The following MGA variants were observed in gnomAD, a reference collection of about 807,000 sequenced individuals.
The protein encoded by MGA is MAX dimerization protein MGA, also known as MAX gene-associated protein.
MGA carries 40 observed loss-of-function variants against 261.1 expected under a neutral mutation model. The ratio of observed to expected loss-of-function variants is 0.15; its 90% confidence interval spans 0.12 to 0.20. The LOEUF (loss-of-function observed/expected upper bound fraction) is 0.20, where lower values mean the gene tolerates loss of function less well. MGA is among the 10% of genes least tolerant of loss of function. The pLI is 1.00. For missense variants in MGA, 3,397 were observed against 3,630.5 expected (o/e 0.94, Z 1.65); for synonymous variants, 1,302 against 1,290.6 (o/e 1.01, Z -0.19).
chr15:41,681,957 GC>G (rs1322582477), intron 2 of MGA, among the ~76,000 whole-genome samples: 1 of 151,720 alleles, frequency 6.6e-6, no homozygotes, highest in African/African-American at 2.4e-5. Flanking sequence ...TGCTCTTATT[GC>G]CCAGGCTGGA....
At position 41,734,703 on chromosome 15, in the gene MGA, C is replaced by G. The variant is rs763816819; in HGVS notation, c.3916+109C>G. 4.9e-6 allele frequency: 4 copies of G among 824,066 alleles called. No individual in the cohort carries two copies. The African/African-American group carries it at 5.3e-5, about 11-fold the overall frequency. 51.0% of individuals were successfully genotyped at this position (824,066 alleles called of 1,614,324 possible). On this transcript the variant is annotated intron_variant, in intron 12 of 23. Coordinates refer to ENST00000219905, the MANE Select transcript of MGA (RefSeq NM_001164273.2). ...TCAATTCAGAATATGTCTGCCTACC[C>G]TGTTTCAAACTTATGCCAAAAACAG...
intron 2 of MGA, among the ~76,000 whole-genome samples, chr15:41,693,143 A>G (rs1244692155): frequency 1.3e-5 from 2 of 152,032 alleles, no homozygotes; most frequent in African/African-American, 4.8e-5. Flanking sequence ...CCCGGCTTCT[A>G]TTGGAGGATT....
chr15:41,656,377 T>TCTCTCACACA (rs1555403733), upstream of MGA, among the ~76,000 whole-genome samples: 1 of 68,276 alleles, frequency 1.5e-5, no homozygotes, highest in Non-Finnish European at 3.5e-5. Flanking sequence ...TCTCTCTCTC[T>TCTCTCACACA]CACACCCAGG....
intron 3 of MGA, 129 bp from the exon 4 acceptor site, chr15:41,698,734 C>A (rs1011710441): frequency 4.6e-6 from 3 of 645,688 alleles, no homozygotes; most frequent in East Asian, 2.8e-5. Flanking sequence ...TCCTGTTCTG[C>A]CAATGTTAGC....
At chr15:41,764,794 T>G (rs2063712548) in intron 22 of MGA, 92 bp from the exon 23 acceptor site, 1 of 1,308,536 alleles carries the variant, frequency 7.6e-7, no homozygotes, top group African/African-American at 1.5e-5. Context: ...TCTGCCTGCC[T>G]CAGCCTCCCA....
At position 41,696,310 on chromosome 15, in the gene MGA, G is replaced by T; in HGVS notation, c.1300G>T (p.Asp434Tyr). Residue 434 changes from aspartate (D) to tyrosine (Y), a missense_variant, in exon 3 of 24, where the codon GAC becomes TAC. By Grantham distance (160) the Asp-to-Tyr change is radical. Coordinates refer to ENST00000219905, the MANE Select transcript of MGA (RefSeq NM_001164273.2). ...ACAGCTAAAGAGGCACAATAAAGTT[G>T]ACAACCCAGAAGCTGACCATCTATC... 6.2e-7 allele frequency: 1 copy of T among 1,613,850 alleles called. No homozygotes were observed. Among genetic ancestry groups the T allele is most frequent in the South Asian group, 1.1e-5 (1 of 91,054 alleles).
Position 41,766,574 on chromosome 15 carries a change from C to A in MGA, c.8492C>A (p.Ala2831Asp), listed in dbSNP as rs762490958. ...CTGACTTCACTGCTCAATGAAATTG[C>A]CTTTCTTAATCAACAACTAAATGAT... The change falls in exon 24 of 24, where the codon GCC (alanine) becomes GAC (aspartate). Residue 2831 changes from alanine (A) to aspartate (D), a missense_variant. Ala to Asp is a moderately radical substitution (Grantham distance 126, BLOSUM62 -2). Around this residue, in one of 9 missense-constraint regions of MGA, gnomAD observed 647 missense variants for 642.4 expected, o/e 1.01. Transcript: ENST00000219905. The A allele has an allele frequency of 1.1e-5, 18 of 1,613,750 alleles. No individual in the cohort carries two copies. The highest frequency in any genetic ancestry group is 1.4e-5 in the Non-Finnish European group (17 of 1,179,828).
At chr15:41,628,504 GAATGATAAAGAGTA>G (rs1381215781) in intron 1 of MGA, among the ~76,000 whole-genome samples, 8 of 152,008 alleles carry the variant, frequency 5.3e-5, no homozygotes, top group Non-Finnish European at 8.8e-5. Flanking sequence ...AACACGACCT[GAATGATAAAGAGTA>G]AGACACACCC....
chr15:41,698,906 C>T lies in MGA; in HGVS notation c.2057C>T (p.Ser686Phe). The change falls in exon 4 of 24, where the codon TCT becomes TTT. Residue 686 changes from serine to phenylalanine, a missense_variant. This residue lies in a region of MGA where 563 missense variants were observed against 563.6 expected (regional missense o/e 1.00). Coordinates refer to ENST00000219905, the MANE Select transcript of MGA (RefSeq NM_001164273.2). ...GCAGTTGATGGGACAACAGAAGAAT[C>T]TTCTAGTCTCCAGGCATCAACCACA... is the stretch of plus-strand genomic sequence containing the variant. The T allele has an allele frequency of 1.3e-6, 2 of 1,548,650 alleles. No individual in the cohort carries two copies. Among genetic ancestry groups the T allele is most frequent in the African/African-American group, 2.8e-5 (2 of 72,612 alleles).
chr15:41,621,413 G>A (rs550614741), intron 1 of MGA: 1 of 152,288 alleles, frequency 6.6e-6, no homozygotes, highest in African/African-American at 2.4e-5. Context: ...CTCCGCGTGC[G>A]AACGACTCGG....
Position 41,669,258 on chromosome 15 carries a change from A to G in MGA, c.364A>G (p.Ile122Val). The change falls in exon 2 of 24, where the codon ATT becomes GTT. Residue 122 changes from isoleucine (I) to valine (V), a missense_variant. By Grantham distance (29) the Ile-to-Val change is conservative. Transcript: ENST00000219905. Reference sequence around the variant, plus strand: ...AGGTTTAGATTCAAATTTGAAGTATATTCTTGTCATGGATATATCTCCTGT... The same window carrying G: ...AGGTTTAGATTCAAATTTGAAGTATGTTCTTGTCATGGATATATCTCCTGT... The G allele has an allele frequency of 2.5e-6, 4 of 1,614,054 alleles. No homozygotes were observed. Among genetic ancestry groups the G allele is most frequent in the Non-Finnish European group, 2.5e-6 (3 of 1,179,896 alleles).
At chr15:41,704,914 A>T (rs1337254140) in intron 5 of MGA, among the ~76,000 whole-genome samples, 1 of 150,598 alleles carries the variant, frequency 6.6e-6, no homozygotes, top group African/African-American at 2.4e-5. Flanking sequence ...TTGTAATGAC[A>T]TTATAACACA....
chr15:41,635,515 AC>A lies in MGA; in HGVS notation c.-68+14226del, dbSNP rs35924209. Among the ~76,000 whole-genome samples, 316 of 147,468 alleles carry A rather than the reference AC, an allele frequency of 2.1e-3. 3 individuals are homozygous for A. The highest frequency in any genetic ancestry group is 3.0e-3 in the African/African-American group (119 of 39,898). On this transcript the variant is annotated intron_variant, in intron 1 of 8. Coordinates refer to the MGA transcript ENST00000566718. ...AGACCAGCCCAGGCAACATAGTGAGACCCCCCCCCTCCTATAAAAAATTTTA... is the reference window on the plus strand; with the variant it reads ...AGACCAGCCCAGGCAACATAGTGAGACCCCCCCCTCCTATAAAAAATTTTA...
Position 41,734,559 on chromosome 15 carries a change from C to T in MGA, c.3881C>T (p.Thr1294Ile). Residue 1294 changes from threonine (T) to isoleucine (I), a missense_variant, in exon 12 of 24, where the codon ACC (threonine) becomes ATC (isoleucine). Coordinates refer to ENST00000219905, the MANE Select transcript of MGA (RefSeq NM_001164273.2). ...GAACAGCAGCCCTTAAAACAACTCACCTGTGACTTGGAGGATGATTCTGAT... is the reference window on the plus strand; with the variant it reads ...GAACAGCAGCCCTTAAAACAACTCATCTGTGACTTGGAGGATGATTCTGAT... 2 of 1,608,784 alleles carry T rather than the reference C, an allele frequency of 1.2e-6. No homozygotes were observed. The highest frequency in any genetic ancestry group is 1.7e-6 in the Non-Finnish European group (2 of 1,177,304).
At position 41,762,341 on chromosome 15, in the gene MGA, A is replaced by G; in HGVS notation, c.7723A>G (p.Arg2575Gly). 6.2e-7 allele frequency: 1 copy of G among 1,613,710 alleles called. No homozygotes were observed. The highest frequency in any genetic ancestry group is 8.5e-7 in the Non-Finnish European group (1 of 1,179,782). ...GAGGGGGAAACCTTTGATTCTTTCC[A>G]GAAAAAAAGACCAGGCCACAGGTAG... Residue 2575 changes from arginine to glycine, a missense_variant, in exon 22 of 24, where the codon AGA becomes GGA. Coordinates refer to ENST00000219905, the MANE Select transcript of MGA (RefSeq NM_001164273.2).
At chr15:41,754,397 C>A in intron 17 of MGA, 40 bp from the exon 18 acceptor site, 2 of 1,480,674 alleles carry the variant, frequency 1.4e-6, no homozygotes, top group Admixed American at 2.6e-5. Context: ...GTGTGCTTGC[C>A]ACTCAATACA....
chr15:41,660,560 G>C (rs1466982285), intron 1 of MGA, 35 bp downstream of exon 1: 2 of 152,714 alleles, frequency 1.3e-5, no homozygotes, highest in African/African-American at 2.4e-5. Flanking sequence ...GCATCGCTTA[G>C]TACTGGCCCG....
In MGA at chr15:41,748,886, A is replaced by G. The variant is rs2151911478; in HGVS notation, c.5462A>G (p.Asn1821Ser). The G allele has an allele frequency of 6.2e-7, 1 of 1,613,926 alleles. No homozygotes were observed. Among genetic ancestry groups the G allele is most frequent in the Non-Finnish European group, 8.5e-7 (1 of 1,179,884 alleles). The change falls in exon 16 of 24, where the codon AAT (asparagine) becomes AGT (serine). Residue 1821 changes from asparagine to serine, a missense_variant. This residue lies in a region of MGA where 1,410 missense variants were observed against 1,386.4 expected (regional missense o/e 1.02). Transcript: ENST00000219905. ...CCTTTGCATCAGCTTCGAGGCTCTAATACCCAGCCCAACTTACAGCCTGTC... is the reference window on the plus strand; with the variant it reads ...CCTTTGCATCAGCTTCGAGGCTCTAGTACCCAGCCCAACTTACAGCCTGTC...
At chr15:41,724,160 G>A (rs1224871582) in intron 9 of MGA, among the ~76,000 whole-genome samples, 2 of 152,082 alleles carry the variant, frequency 1.3e-5, no homozygotes, top group Non-Finnish European at 2.9e-5. Flanking sequence ...TAATTAATGC[G>A]TGTACAAAAT....
Sources: gnomAD v4.1 joint callset for allele counts (sites outside exome capture counted in the v4.1 genomes callset) on GRCh38, gnomAD v4.1.1 for gene constraint, gnomAD v4.1.1 regional missense constraint, MANE v1.5 for transcripts, NCBI Gene and HGNC (gene_info 2026-07-23, HGNC 2026-07-21) for gene names.